The following EVL variants were observed in gnomAD, a reference collection of about 807,000 sequenced individuals.
EVL encodes the protein ena/VASP-like protein.
EVL carries 21 observed loss-of-function variants against 59.6 expected under a neutral mutation model. The observed-to-expected ratio is 0.35, with a 90% CI of 0.25 to 0.51. The LOEUF (loss-of-function observed/expected upper bound fraction) is 0.51, where lower values mean the gene tolerates loss of function less well. Ranked by LOEUF, EVL falls within the 20% of genes least tolerant of loss-of-function variation. The probability of loss-of-function intolerance (pLI) is 0.97; values close to 1 mark genes in which losing one functional copy is unlikely to be tolerated. For synonymous variants in EVL, 198 were observed against 203.5 expected, an observed-to-expected ratio of 0.97 and a Z score of 0.23; for missense variants, 462 against 546.6, an observed-to-expected ratio of 0.85 and a Z score of 1.54.
At position 100,114,951 on chromosome 14, in the gene EVL, C is replaced by A. The variant is rs1373679263; in HGVS notation, c.359-8588C>A. Among the ~76,000 whole-genome samples the A allele has an allele frequency of 6.6e-6, 1 of 151,996 alleles. No individual in the cohort carries two copies. Among genetic ancestry groups the A allele is most frequent in the Non-Finnish European group, 1.5e-5 (1 of 67,998 alleles). ...TTCCAGCAGCACCGTTCACTGGAGGCACATGACCTCGGGTAGCTTTTCCGA... is the reference window on the plus strand; with the variant it reads ...TTCCAGCAGCACCGTTCACTGGAGGAACATGACCTCGGGTAGCTTTTCCGA... On this transcript the variant is annotated intron_variant, in intron 3 of 13. Transcript: ENST00000392920. This position sits in a 1 kb window ranked among gnomAD's most constrained non-coding sequence, Gnocchi z 5.0.
intron 1 of EVL, among the ~76,000 whole-genome samples, chr14:100,031,694 A>G (rs2061317109): frequency 6.6e-6 from 1 of 151,984 alleles, no homozygotes; most frequent in South Asian, 2.1e-4. Flanking sequence ...AATTCTTTTC[A>G]CTCCAGTCAG....
chr14:100,045,451 G>A (rs2061532682), intron 1 of EVL, among the ~76,000 whole-genome samples: 4 of 152,192 alleles, frequency 2.6e-5, no homozygotes, highest in South Asian at 2.1e-4. Flanking sequence ...AGCAGGTCAC[G>A]TAATAGGCGC....
chr14:100,033,387 C>A (rs2061342536), intron 1 of EVL, among the ~76,000 whole-genome samples: 1 of 152,084 alleles, frequency 6.6e-6, no homozygotes, highest in African/African-American at 2.4e-5. Context: ...CAGGTGGTTA[C>A]ATTATTATTA....
At position 100,086,335 on chromosome 14, in the gene EVL, A is replaced by G. The variant is rs531544751; in HGVS notation, c.180+1480A>G. Among the ~76,000 whole-genome samples, 9 of 152,338 alleles carry G rather than the reference A, an allele frequency of 5.9e-5. No homozygotes were observed. The East Asian group carries it at 1.3e-3, about 23-fold the overall frequency. On this transcript the variant is annotated intron_variant, in intron 2 of 13. Transcript: ENST00000392920. ...AGGATATACAGAACCTTTGGCCCCA[A>G]TTATGGTGACAGTCAAAAATATCTC...
chr14:99,999,847 C>A (rs912605141), intron 1 of EVL, among the ~76,000 whole-genome samples: 1 of 152,180 alleles, frequency 6.6e-6, no homozygotes, highest in Non-Finnish European at 1.5e-5. Context: ...AACAGATGCC[C>A]TCAGGGCAAA....
intron 1 of EVL, among the ~76,000 whole-genome samples, chr14:100,030,683 T>A (rs1164833712): frequency 6.6e-6 from 1 of 152,212 alleles, no homozygotes; most frequent in Non-Finnish European, 1.5e-5. Flanking sequence ...AGCTGAGAGC[T>A]TGGATCTTGG....
chr14:100,045,135 T>C (rs972975709), intron 1 of EVL, among the ~76,000 whole-genome samples: 6 of 152,164 alleles, frequency 3.9e-5, no homozygotes, highest in African/African-American at 1.4e-4. Context: ...CACTGCTTTG[T>C]AGTACAATAA....
intron 11 of EVL, chr14:100,140,368 T>G (rs192293172): frequency 6.6e-6 from 1 of 152,370 alleles, no homozygotes; most frequent in Admixed American, 6.5e-5. Flanking sequence ...CCCAGCACTC[T>G]GGGAGGCCCA....
At chr14:99,991,505 A>AG in intron 1 of EVL, among the ~76,000 whole-genome samples, 1 of 152,248 alleles carries the variant, frequency 6.6e-6, no homozygotes, top group East Asian at 1.9e-4. Flanking sequence ...CATCACACAT[A>AG]GGAATGTGGT....
chr14:100,141,287 A>G (rs759307618), intron 12 of EVL, 41 bp downstream of exon 12: 1 of 1,608,310 alleles, frequency 6.2e-7, no homozygotes, highest in Admixed American at 1.7e-5. Flanking sequence ...GGCTGAGGGC[A>G]GCCAGCAGGC....
Position 100,052,197 on chromosome 14 carries a change from G to A in EVL, c.6-32490G>A, listed in dbSNP as rs79387191. The stretch of plus-strand genomic sequence containing the variant: ...ACTGTGATGTGTATAGCATGTTTGA[G>A]TTGAAAATAAGGTCAAACTTTTTCT... On this transcript the variant is annotated intron_variant, in intron 1 of 13. Transcript: ENST00000402714. Among the ~76,000 whole-genome samples the A allele has an allele frequency of 2.1e-3, 318 of 152,320 alleles. 13 individuals carry two copies. In the East Asian group the frequency reaches 0.055, roughly 26 times the overall value.
intron 1 of EVL, among the ~76,000 whole-genome samples, chr14:100,030,094 CTTT>C (rs57192659): frequency 2.9e-5 from 4 of 139,998 alleles, no homozygotes; most frequent in African/African-American, 2.7e-5. Context: ...ATGAGATTAC[CTTT>C]TTTTTTTTTT....
intron 1 of EVL, among the ~76,000 whole-genome samples, chr14:100,006,986 T>C (rs2060986670): frequency 6.6e-6 from 1 of 151,810 alleles, no homozygotes; most frequent in Admixed American, 6.6e-5. Context: ...TTGTCAAAGG[T>C]TAGGGGCACC....
intron 1 of EVL, among the ~76,000 whole-genome samples, chr14:99,992,048 G>T (rs891366951): frequency 6.7e-6 from 1 of 149,814 alleles, no homozygotes; most frequent in African/African-American, 2.5e-5. Context: ...TTAGAAAATG[G>T]CTATACCATT....
intron 1 of EVL, among the ~76,000 whole-genome samples, chr14:100,033,842 C>T (rs1171402685): frequency 2.6e-5 from 4 of 152,178 alleles, no homozygotes; most frequent in African/African-American, 9.7e-5. Context: ...CCATCAGACT[C>T]TGGAACCTGT....
intron 1 of EVL, chr14:100,019,831 C>G (rs1206125694): frequency 1.1e-5 from 9 of 793,120 alleles, no homozygotes; most frequent in Non-Finnish European, 1.6e-5. Flanking sequence ...TTATCCCAGT[C>G]ATGGGGGTGG....
At position 100,109,855 on chromosome 14, in the gene EVL, G is replaced by A. The variant is rs971195523; in HGVS notation, c.358+12197G>A. On this transcript the variant is annotated intron_variant, in intron 3 of 13. Transcript: ENST00000392920. The surrounding 1 kb of genome is among the most constrained non-coding windows in gnomAD (Gnocchi z 4.3). ...GTGTGCATACTGTGGAAGGAACTTCGGACGTGAACTCGGATCTGGTTCCAG... is the reference window on the plus strand; with the variant it reads ...GTGTGCATACTGTGGAAGGAACTTCAGACGTGAACTCGGATCTGGTTCCAG... The A allele has an allele frequency of 7.6e-6, 3 of 394,808 alleles. No individual in the cohort carries two copies. The highest frequency in any genetic ancestry group is 2.1e-5 in the African/African-American group (1 of 48,168). The allele number at this position is 394,808 out of a possible 1,614,324, so 24.5% of individuals were successfully genotyped here.
chr14:100,066,304 C>G (rs965477446), intron 1 of EVL: 2 of 152,078 alleles, frequency 1.3e-5, no homozygotes, highest in Admixed American at 1.3e-4. Context: ...ATCTTTTAGC[C>G]GTGTTAGATT....
chr14:100,067,869 G>A lies in EVL; in HGVS notation c.11+2358G>A, dbSNP rs117560935. Among the ~76,000 whole-genome samples, 9 of 152,354 alleles carry A rather than the reference G, an allele frequency of 5.9e-5. No homozygotes were observed. In the East Asian group the frequency reaches 1.3e-3, roughly 23 times the overall value. On this transcript the variant is annotated intron_variant, in intron 1 of 13. Coordinates refer to ENST00000392920, the MANE Select transcript of EVL (RefSeq NM_016337.3). ...GTAATAAGCATAGACAGGAGGGGCA[G>A]TAAGAGTTGAGAAGTTGGGGACTGT...
Sources: allele counts gnomAD v4.1 joint callset (sites outside exome capture counted in the v4.1 genomes callset), GRCh38; gene constraint gnomAD v4.1.1; non-coding constraint Gnocchi (gnomAD v3.1); transcripts MANE v1.5; gene names NCBI Gene and HGNC (gene_info 2026-07-23, HGNC 2026-07-21).